RGS5: variants seen among roughly 807,000 people sequenced by gnomAD.
The protein encoded by RGS5 is regulator of G protein signaling 5, also known as regulator of G-protein signalling 5.
In RGS5, 20 loss-of-function variants were observed where a neutral mutation model predicts 18.9. That is an observed-to-expected ratio of 1.06 (90% CI 0.74 to 1.54). RGS5 has a LOEUF of 1.54. RGS5 is among the 40% of genes most tolerant of loss of function. RGS5 has a pLI of 0.00. For synonymous variants in RGS5, 57 were observed against 76.2 expected (o/e 0.75, Z 1.31); for missense variants, 201 against 211.8 (o/e 0.95, Z 0.32).
At chr1:163,164,830 T>A (rs952368703) in intron 2 of RGS5, among the ~76,000 whole-genome samples, 2 of 152,222 alleles carry the variant, frequency 1.3e-5, no homozygotes, top group African/African-American at 2.4e-5. Flanking sequence ...TTGTTTTTTG[T>A]ATTGTTTTGG....
chr1:163,189,798 A>G (rs1039397334), intron 1 of RGS5, among the ~76,000 whole-genome samples: 7 of 152,202 alleles, frequency 4.6e-5, no homozygotes, highest in Non-Finnish European at 1.0e-4. Flanking sequence ...GTAAATGGTC[A>G]GAGAGTAGAG....
chr1:163,222,842 C>T (rs1647256363), intron 2 of RGS5, among the ~76,000 whole-genome samples: 1 of 151,898 alleles, frequency 6.6e-6, no homozygotes. Flanking sequence ...TAGTGAGCTG[C>T]TTCTCTATTT....
intron 1 of RGS5, among the ~76,000 whole-genome samples, chr1:163,179,751 C>G (rs1042161287): frequency 6.6e-6 from 1 of 152,112 alleles, no homozygotes. Context: ...GCTCCTCCAG[C>G]TATAAAAAAT....
intron 2 of RGS5, among the ~76,000 whole-genome samples, chr1:163,246,564 C>T (rs535750898): frequency 5.3e-5 from 8 of 152,248 alleles, no homozygotes; most frequent in African/African-American, 1.9e-4. Context: ...CAGTGAAACT[C>T]TGTCTGAAAA....
upstream of RGS5, chr1:163,217,765 T>C: frequency 1.2e-6 from 1 of 848,788 alleles, no homozygotes; most frequent in South Asian, 2.3e-5. Context: ...TCTACCATTG[T>C]GCGAAACTTC....
chr1:163,268,274 G>A (rs920054144), intron 2 of RGS5, among the ~76,000 whole-genome samples: 3 of 152,088 alleles, frequency 2.0e-5, no homozygotes, highest in Non-Finnish European at 4.4e-5. Flanking sequence ...ATAAGAAGAA[G>A]CATGAAGCAC....
chr1:163,175,860 A>C (rs571049684), intron 1 of RGS5, among the ~76,000 whole-genome samples: 1 of 152,290 alleles, frequency 6.6e-6, no homozygotes, highest in African/African-American at 2.4e-5. Context: ...CAAATGATAA[A>C]AAGGTGAAGA....
Position 163,268,723 on chromosome 1 carries a change from C to T in RGS5, c.-281+37510G>A, listed in dbSNP as rs1447317176. 3.9e-5 allele frequency among the ~76,000 whole-genome samples: 6 copies of T among 152,264 alleles called. No homozygotes were observed. The East Asian group carries it at 1.2e-3, about 29-fold the overall frequency. On this transcript the variant is annotated intron_variant, in intron 2 of 5. Coordinates refer to the RGS5 transcript ENST00000618415. Reference sequence around the variant, plus strand: ...AAACTATCCAATCTTAAAGTGTTTCCTTGCCCATTCATTCCTGAGAAAACA... The same window carrying T: ...AAACTATCCAATCTTAAAGTGTTTCTTTGCCCATTCATTCCTGAGAAAACA...
chr1:163,201,393 C>A (rs1326061658), intron 1 of RGS5, among the ~76,000 whole-genome samples: 1 of 151,962 alleles, frequency 6.6e-6, no homozygotes, highest in African/African-American at 2.4e-5. Context: ...TATCCTCTTC[C>A]CCAGGGTTGG....
chr1:163,178,270 C>T (rs951140705), intron 1 of RGS5, among the ~76,000 whole-genome samples: 6 of 151,952 alleles, frequency 3.9e-5, no homozygotes, highest in Non-Finnish European at 5.9e-5. Context: ...GAGATGGTGC[C>T]ACTGCACTTG....
At chr1:163,247,078 C>T (rs956059866) in intron 2 of RGS5, among the ~76,000 whole-genome samples, 1 of 152,090 alleles carries the variant, frequency 6.6e-6, no homozygotes, top group African/African-American at 2.4e-5. Context: ...CCAGGGCCTA[C>T]TAGAGGGTGA....
At chr1:163,154,409 G>T (rs1657506438) in intron 3 of RGS5, among the ~76,000 whole-genome samples, 1 of 151,960 alleles carries the variant, frequency 6.6e-6, no homozygotes, top group Non-Finnish European at 1.5e-5. Context: ...TTGTGTTAGG[G>T]TCACCATCAA....
chr1:163,278,461 A>G (rs1648913383), intron 2 of RGS5, among the ~76,000 whole-genome samples: 2 of 152,128 alleles, frequency 1.3e-5, no homozygotes, highest in African/African-American at 4.8e-5. Flanking sequence ...GCCACTAAAA[A>G]TGCTTAAGGG....
At chr1:163,239,019 T>G (rs538155088) in intron 2 of RGS5, 2 of 217,718 alleles carry the variant, frequency 9.2e-6, no homozygotes, top group East Asian at 2.4e-4. Flanking sequence ...CAACTACTCA[T>G]GTATGTGAGC....
At chr1:163,274,944 C>G (rs1648815465) in intron 2 of RGS5, among the ~76,000 whole-genome samples, 1 of 152,090 alleles carries the variant, frequency 6.6e-6, no homozygotes, top group African/African-American at 2.4e-5. Flanking sequence ...TAGGGAAACT[C>G]CATCTCTACA....
intron 2 of RGS5, among the ~76,000 whole-genome samples, chr1:163,250,836 C>A (rs1648088664): frequency 6.6e-6 from 1 of 152,112 alleles, no homozygotes; most frequent in Non-Finnish European, 1.5e-5. Flanking sequence ...ATCTATAAAA[C>A]TCCATCCATA....
intron 1 of RGS5, chr1:163,172,594 T>C: frequency 3.9e-6 from 6 of 1,549,818 alleles, no homozygotes; most frequent in Non-Finnish European, 5.2e-6. Flanking sequence ...ATATTTGCCC[T>C]GGAAATGTAA....
chr1:163,184,466 G>A (rs1016826016), intron 1 of RGS5, among the ~76,000 whole-genome samples: 39 of 151,084 alleles, frequency 2.6e-4, no homozygotes, highest in African/African-American at 7.0e-4. Flanking sequence ...GACAGAAGAA[G>A]AGTTAGCAAG....
intron 2 of RGS5, among the ~76,000 whole-genome samples, chr1:163,285,978 C>T (rs964408651): frequency 1.4e-5 from 2 of 142,874 alleles, no homozygotes; most frequent in East Asian, 4.1e-4. Flanking sequence ...AGAACAGACT[C>T]ATACAAGTAT....
Sources: gnomAD v4.1 joint callset for allele counts (sites outside exome capture counted in the v4.1 genomes callset) on GRCh38, gnomAD v4.1.1 for gene constraint, MANE v1.5 for transcripts, NCBI Gene and HGNC (gene_info 2026-07-23, HGNC 2026-07-21) for gene names.